CDCA7L: variants seen among roughly 807,000 people sequenced by gnomAD.
CDCA7L encodes the protein cell division cycle associated 7 like, also known as cell division cycle-associated 7-like protein.
Under a neutral mutation model 57.4 loss-of-function variants are expected in CDCA7L, and 44 were observed. The observed-to-expected ratio is 0.77, with a 90% CI of 0.60 to 0.98. The LOEUF (loss-of-function observed/expected upper bound fraction) is 0.98. Ranked by LOEUF, CDCA7L falls within the 50% of genes least tolerant of loss-of-function variation. The probability of loss-of-function intolerance (pLI) is 0.00; values close to 1 mark genes in which losing one functional copy is unlikely to be tolerated. For missense variants in CDCA7L, 644 were observed against 580.6 expected, an observed-to-expected ratio of 1.11 and a Z score of -1.12; for synonymous variants, 236 against 202.8, an observed-to-expected ratio of 1.16 and a Z score of -1.39.
chr7:21,916,914 G>A lies in CDCA7L; in HGVS notation c.25-20C>T. The A allele has an allele frequency of 6.2e-7, 1 of 1,613,712 alleles. No homozygotes were observed. Among genetic ancestry groups the A allele is most frequent in the South Asian group, 1.1e-5 (1 of 91,052 alleles). The stretch of plus-strand genomic sequence containing the variant: ...AGGGATCTGTTTTGGATTCAAAAGA[G>A]GCAGGATTAAACCAGGGGTTCTTGC... On this transcript the variant is annotated intron_variant, in intron 1 of 9. Transcript: ENST00000406877.
At position 21,939,021 on chromosome 7, in the gene CDCA7L, A is replaced by AT. The variant is rs140343905; in HGVS notation, c.24+6759dup. Among the ~76,000 whole-genome samples the AT allele has an allele frequency of 4.9e-4, 75 of 152,264 alleles. 1 individual carries two copies. The highest frequency in any genetic ancestry group is 1.8e-3 in the African/African-American group (75 of 41,542). On this transcript the variant is annotated intron_variant, in intron 1 of 9. Transcript: ENST00000406877. Reference sequence around the variant, plus strand: ...GAGACCCTGTCTCAAAAGAGAAATAATTGAAAAAAAATTCTGATACATACT... The same window carrying AT: ...GAGACCCTGTCTCAAAAGAGAAATAATTTGAAAAAAAATTCTGATACATACT...
In CDCA7L at chr7:21,906,594, G is replaced by C. The variant is rs1785149856; in HGVS notation, c.727C>G (p.Pro243Ala). The change falls in exon 5 of 10, where the codon CCA becomes GCA. Residue 243 changes from proline (P) to alanine (A), a missense_variant. Transcript: ENST00000406877. ...GAAGCTGAGGTTGGGGTTCGTACTGGGAAGAAATCTGGCATCGAGTTCAAT... is the reference window on the plus strand; with the variant it reads ...GAAGCTGAGGTTGGGGTTCGTACTGCGAAGAAATCTGGCATCGAGTTCAAT... ...AELNSMPDFF[P>A]VRTPTSASRK... 1 of 1,614,060 alleles carries C rather than the reference G, an allele frequency of 6.2e-7. No individual in the cohort carries two copies. The highest frequency in any genetic ancestry group is 1.3e-5 in the African/African-American group (1 of 75,008).
chr7:21,912,545 G>A (rs918482609), intron 2 of CDCA7L, among the ~76,000 whole-genome samples: 1 of 152,188 alleles, frequency 6.6e-6, no homozygotes, highest in African/African-American at 2.4e-5. Flanking sequence ...CCTCCCACGT[G>A]TTGGCTTCCC....
chr7:21,920,362 A>G (rs1035030763), intron 1 of CDCA7L, among the ~76,000 whole-genome samples: 1 of 152,198 alleles, frequency 6.6e-6, no homozygotes, highest in African/African-American at 2.4e-5. Context: ...TTAATTTTAC[A>G]TTTAGTCAGG....
intron 1 of CDCA7L, among the ~76,000 whole-genome samples, chr7:21,936,651 G>A (rs1219619653): frequency 2.6e-5 from 4 of 151,426 alleles, no homozygotes; most frequent in Non-Finnish European, 5.9e-5. Context: ...AAAATAGAAG[G>A]AAACTTAAAC....
At chr7:21,906,164 G>A (rs894185447) in intron 6 of CDCA7L, 125 bp downstream of exon 6, 3 of 850,460 alleles carry the variant, frequency 3.5e-6, no homozygotes, top group Non-Finnish European at 3.7e-6. Flanking sequence ...AGAGAGAAAT[G>A]CAAGTTCTCA....
At chr7:21,905,285 A>G (rs1785103531) in intron 7 of CDCA7L, among the ~76,000 whole-genome samples, 1 of 152,066 alleles carries the variant, frequency 6.6e-6, no homozygotes, top group Non-Finnish European at 1.5e-5. Flanking sequence ...CTTCCCCCAG[A>G]TTCTACGCAT....
rs1217122929 is a variant in CDCA7L, at chr7:21,906,445, T to G, written c.765A>C (p.Thr255=). 6.2e-7 allele frequency: 1 copy of G among 1,609,462 alleles called. No homozygotes were observed. Residue 255 remains threonine (T), a synonymous_variant, in exon 6 of 10, where the codon ACA becomes ACC. Transcript: ENST00000406877. The part of the protein sequence containing the change: ...RTPTSASRKK[T]VRRAFSEGQI... The stretch of plus-strand genomic sequence containing the variant: ...GTCCCTCCGAGAAGGCCCGCCTCAC[T>G]GTCTTCTTCCTCTGAAATCAAGAGC...
At position 21,901,046 on chromosome 7, in the gene CDCA7L, C is replaced by A. The variant is rs1284839757; in HGVS notation, c.*1276G>T. On this transcript the variant is annotated 3_prime_UTR_variant, in exon 10 of 10. Coordinates refer to ENST00000406877, the MANE Select transcript of CDCA7L (RefSeq NM_018719.5). ...ACCCAAGCAGGAACCATTGTTGAAGCCCGTCTCAAGGAGCTGGCATGCCCT... is the reference window on the plus strand; with the variant it reads ...ACCCAAGCAGGAACCATTGTTGAAGACCGTCTCAAGGAGCTGGCATGCCCT... 6.2e-7 allele frequency: 1 copy of A among 1,612,518 alleles called. No homozygotes were observed. Among genetic ancestry groups the A allele is most frequent in the Non-Finnish European group, 8.5e-7 (1 of 1,179,244 alleles).
chr7:21,941,100 TTA>T (rs1466814020), intron 1 of CDCA7L, among the ~76,000 whole-genome samples: 1 of 152,172 alleles, frequency 6.6e-6, no homozygotes, highest in Admixed American at 6.5e-5. Flanking sequence ...CACATTCCCT[TTA>T]TGAGATATTA....
rs987310773 is a variant in CDCA7L, at chr7:21,908,390, C to G, written c.421G>C (p.Gly141Arg). ...RRSRSRRSSI[G>R]LRVAFQFPTK... Reference sequence around the variant, plus strand: ...GGGAACTGAAAGGCTACTCGAAGACCAATACTACTTCTTCTAGACCTGCTT... The same window carrying G: ...GGGAACTGAAAGGCTACTCGAAGACGAATACTACTTCTTCTAGACCTGCTT... Residue 141 changes from glycine (G) to arginine (R), a missense_variant, in exon 4 of 10, where the codon GGT (glycine) becomes CGT (arginine). Coordinates refer to ENST00000406877, the MANE Select transcript of CDCA7L (RefSeq NM_018719.5). 1 of 1,609,140 alleles carries G rather than the reference C, an allele frequency of 6.2e-7. No individual in the cohort carries two copies. The highest frequency in any genetic ancestry group is 1.3e-5 in the African/African-American group (1 of 74,188).
intron 7 of CDCA7L, among the ~76,000 whole-genome samples, chr7:21,904,563 G>C (rs1266400980): frequency 6.6e-6 from 1 of 152,148 alleles, no homozygotes; most frequent in Non-Finnish European, 1.5e-5. Flanking sequence ...ATTCTCATAG[G>C]AGCACAAACC....
Position 21,908,169 on chromosome 7 carries a change from C to A in CDCA7L, c.642G>T (p.Leu214Phe). The change falls in exon 4 of 10, where the codon TTG becomes TTT. Residue 214 changes from leucine (L) to phenylalanine (F), a missense_variant. Physicochemically the swap from Leu to Phe is conservative, Grantham distance 22. Transcript: ENST00000406877. ...RDESQESSDA[L>F]LKRTMNIKEN... is the part of the protein sequence containing the mutation. ...CCTTGATGTTCATGGTCCTTTTCAG[C>A]AAAGCATCTGAACTCTCCTGGCTCT... The A allele has an allele frequency of 6.3e-7, 1 of 1,581,704 alleles. No homozygotes were observed.
At chr7:21,912,051 C>A (rs1476819257) in intron 2 of CDCA7L, among the ~76,000 whole-genome samples, 1 of 151,776 alleles carries the variant, frequency 6.6e-6, no homozygotes, top group Non-Finnish European at 1.5e-5. Flanking sequence ...CACTTGAACT[C>A]AGGAGTTCAA....
chr7:21,909,012 T>C (rs1391824851), intron 3 of CDCA7L, among the ~76,000 whole-genome samples: 2 of 152,190 alleles, frequency 1.3e-5, no homozygotes, highest in Non-Finnish European at 2.9e-5. Flanking sequence ...GACAGGCAGA[T>C]GACCTGCCAC....
At chr7:21,944,449 C>CCAAAAA (rs1435685024) in intron 1 of CDCA7L, among the ~76,000 whole-genome samples, 1 of 61,658 alleles carries the variant, frequency 1.6e-5, no homozygotes, top group Non-Finnish European at 2.6e-5. Context: ...ACTCCGTCTC[C>CCAAAAA]AAAAAAAAAA....
chr7:21,930,241 C>G (rs1183163635), intron 1 of CDCA7L, among the ~76,000 whole-genome samples: 5 of 152,156 alleles, frequency 3.3e-5, no homozygotes, highest in African/African-American at 1.2e-4. Flanking sequence ...GAAATCAAGA[C>G]AGAAATAAAT....
chr7:21,927,796 T>G (rs1370043637), intron 1 of CDCA7L, among the ~76,000 whole-genome samples: 1 of 152,120 alleles, frequency 6.6e-6, no homozygotes, highest in Non-Finnish European at 1.5e-5. Flanking sequence ...TCAACAAGAT[T>G]ATCAGCTGTT....
rs1386358842 is a variant in CDCA7L, at chr7:21,905,626, T to C, written c.927A>G (p.Lys309=). The C allele has an allele frequency of 1.2e-6, 2 of 1,613,766 alleles. No homozygotes were observed. Among genetic ancestry groups the C allele is most frequent in the East Asian group, 2.2e-5 (1 of 44,878 alleles). Residue 309 remains lysine (K), a synonymous_variant, in exon 7 of 10, where the codon AAA becomes AAG. Transcript: ENST00000406877. ...GGTGACGTCGTCTGTACTCCCGGCA[T>C]TTCCCCTGCACAATGAACACAAGCA... ...SFRRRKTIGG[K]CREYRRRHRI...
Sources: gnomAD v4.1 joint callset for allele counts (sites outside exome capture counted in the v4.1 genomes callset) on GRCh38, gnomAD v4.1.1 for gene constraint, MANE v1.5 for transcripts, NCBI Gene and HGNC (gene_info 2026-07-23, HGNC 2026-07-21) for gene names.